The following SMCP variants were observed in gnomAD, a reference collection of about 807,000 sequenced individuals.
SMCP encodes sperm mitochondria associated cysteine rich protein, also known as sperm mitochondrial-associated cysteine-rich protein.
For synonymous variants in SMCP, 41 were observed against 46.9 expected, an observed-to-expected ratio of 0.87 and a Z score of 0.51; for missense variants, 137 against 137.1, an observed-to-expected ratio of 1.00 and a Z score of 0.01.
chr1:152,884,849 G>A lies in SMCP; in HGVS notation c.*76G>A. 7.5e-7 allele frequency: 1 copy of A among 1,334,462 alleles called. No homozygotes were observed. The highest frequency in any genetic ancestry group is 1.0e-6 in the Non-Finnish European group (1 of 952,448). 82.7% of individuals were successfully genotyped at this position (1,334,462 alleles called of 1,614,324 possible). ...TTTGTAGGGTGGGGGATTACTGAGA[G>A]TCAGGCTAGACCTGTGTTTAGAGAA... On this transcript the variant is annotated 3_prime_UTR_variant, in exon 2 of 2. Transcript: ENST00000368765.
intron 1 of SMCP, among the ~76,000 whole-genome samples, chr1:152,883,238 T>C (rs751160704): frequency 2.0e-5 from 3 of 152,178 alleles, no homozygotes; most frequent in Non-Finnish European, 2.9e-5. Flanking sequence ...GGTTTGTGGC[T>C]TTGTGAGCTG....
intron 1 of SMCP, among the ~76,000 whole-genome samples, chr1:152,882,997 T>A (rs939585096): frequency 3.3e-5 from 5 of 152,166 alleles, no homozygotes; most frequent in Admixed American, 1.3e-4. Context: ...TGAGCTGAGA[T>A]CGCACCATTG....
chr1:152,880,136 A>G (rs1335529547), intron 1 of SMCP, among the ~76,000 whole-genome samples: 1 of 152,180 alleles, frequency 6.6e-6, no homozygotes, highest in Non-Finnish European at 1.5e-5. Flanking sequence ...GGAAAAAAAA[A>G]TAGCAAAAGG....
chr1:152,879,121 T>A (rs1311856982), intron 1 of SMCP, among the ~76,000 whole-genome samples: 1 of 152,180 alleles, frequency 6.6e-6, no homozygotes, highest in African/African-American at 2.4e-5. Flanking sequence ...CCACAAGTGT[T>A]TGACATGATT....
At position 152,884,414 on chromosome 1, in the gene SMCP, G is replaced by A; in HGVS notation, c.-9G>A. 6.2e-7 allele frequency: 1 copy of A among 1,613,896 alleles called. No individual in the cohort carries two copies. On this transcript the variant is annotated 5_prime_UTR_variant, in exon 2 of 2. Transcript: ENST00000368765. The stretch of plus-strand genomic sequence containing the variant: ...TTTTCTTTTTCTAGTACCTCCAAGT[G>A]TTCAGAAGATGTGTGACCAGACAAA...
chr1:152,880,445 A>G (rs1426102180), intron 1 of SMCP, among the ~76,000 whole-genome samples: 1 of 151,768 alleles, frequency 6.6e-6, no homozygotes, highest in African/African-American at 2.4e-5. Flanking sequence ...GTACTCTCTC[A>G]CCTCTTCCCT....
Position 152,884,473 on chromosome 1 carries a change from A to ATGC in SMCP, c.55_57dup (p.Cys19dup), listed in dbSNP as rs1164966075. On this transcript the variant is annotated inframe_insertion, in exon 2 of 2. Coordinates refer to ENST00000368765, the MANE Select transcript of SMCP (RefSeq NM_030663.3). ...AATGCTGCCCAGCAAAAGGCAATCA[A>ATGC]TGCTGCCCACCACAGCAGAACCAGT... The ATGC allele has an allele frequency of 1.2e-6, 2 of 1,614,022 alleles. No homozygotes were observed. Among genetic ancestry groups the ATGC allele is most frequent in the Non-Finnish European group, 8.5e-7 (1 of 1,179,912 alleles).
At position 152,884,518 on chromosome 1, in the gene SMCP, T is replaced by G. The variant is rs201395458; in HGVS notation, c.96T>G (p.Asn32Lys). Residue 32 changes from asparagine to lysine, a missense_variant, in exon 2 of 2, where the codon AAT becomes AAG. Transcript: ENST00000368765. ...QQNQCCQSKGNQCCPPKQNQC... is the reference protein window; with the variant it reads ...QQNQCCQSKGKQCCPPKQNQC... ...ACCAGTGCTGCCAGTCAAAAGGCAA[T>G]CAATGCTGCCCACCAAAACAGAACC... The G allele has an allele frequency of 5.0e-6, 8 of 1,613,872 alleles. No homozygotes were observed. The highest frequency in any genetic ancestry group is 5.1e-6 in the Non-Finnish European group (6 of 1,179,970).
chr1:152,884,676 T>A lies in SMCP; in HGVS notation c.254T>A (p.Met85Lys), dbSNP rs560563395. 1 of 1,614,154 alleles carries A rather than the reference T, an allele frequency of 6.2e-7. No homozygotes were observed. Residue 85 changes from methionine to lysine, a missense_variant, in exon 2 of 2, where the codon ATG becomes AAG. Met to Lys is a moderately conservative substitution (Grantham distance 95). Transcript: ENST00000368765. ...ETKPEVSPLN[M>K]ESEPNSPQTQ... Reference sequence around the variant, plus strand: ...AAGCCTGAAGTCTCACCCCTTAACATGGAGTCTGAGCCCAACTCACCGCAA... The same window carrying A: ...AAGCCTGAAGTCTCACCCCTTAACAAGGAGTCTGAGCCCAACTCACCGCAA...
At chr1:152,881,344 T>C (rs1342668536) in intron 1 of SMCP, among the ~76,000 whole-genome samples, 2 of 152,088 alleles carry the variant, frequency 1.3e-5, no homozygotes, top group African/African-American at 4.8e-5. Context: ...GAGAGGATGA[T>C]ACAGATTTTT....
chr1:152,881,961 A>G (rs59649412), intron 1 of SMCP, among the ~76,000 whole-genome samples: 8,975 of 152,148 alleles, frequency 0.059, 866 homozygotes, highest in African/African-American at 0.2. Flanking sequence ...AAATTATTTT[A>G]TTTTATTTTA....
intron 1 of SMCP, among the ~76,000 whole-genome samples, chr1:152,882,353 GA>G (rs1649080530): frequency 6.6e-6 from 1 of 152,336 alleles, no homozygotes; most frequent in South Asian, 2.1e-4. Context: ...CACAAAAGAA[GA>G]GGACAAGACA....
Position 152,884,552 on chromosome 1 carries a change from C to T in SMCP, c.130C>T (p.Gln44Ter), listed in dbSNP as rs1235466836. The change falls in exon 2 of 2, where the codon CAG becomes TAG. Residue 44 changes from glutamine to a stop codon, truncating the protein, a stop_gained. Coordinates refer to ENST00000368765, the MANE Select transcript of SMCP (RefSeq NM_030663.3). LOFTEE classifies it low-confidence loss of function (END_TRUNC). ...CCCACCAAAACAGAACCAGTGCTGC[C>T]AGCCAAAAGGCAGTCAATGCTGCCC... is the stretch of plus-strand genomic sequence containing the variant. ...CCPPKQNQCC[Q>*]PKGSQCCPPK... The T allele has an allele frequency of 1.2e-6, 2 of 1,614,004 alleles. No individual in the cohort carries two copies. The highest frequency in any genetic ancestry group is 1.3e-5 in the African/African-American group (1 of 74,880).
chr1:152,879,961 C>T (rs1281507133), intron 1 of SMCP, among the ~76,000 whole-genome samples: 1 of 152,084 alleles, frequency 6.6e-6, no homozygotes, highest in African/African-American at 2.4e-5. Flanking sequence ...TCAGTCTGGA[C>T]TTGTAAAGAT....
intron 1 of SMCP, among the ~76,000 whole-genome samples, chr1:152,882,835 G>A (rs112314414): frequency 0.014 from 2,076 of 152,302 alleles, 36 homozygotes; most frequent in African/African-American, 0.042. Context: ...CCAGAGGTCA[G>A]GAGTTCGAGA....
intron 1 of SMCP, among the ~76,000 whole-genome samples, chr1:152,883,670 A>AG (rs1289468214): frequency 6.6e-6 from 1 of 152,138 alleles, no homozygotes; most frequent in Non-Finnish European, 1.5e-5. Context: ...TTATAGAGGA[A>AG]GAGGTACAAG....
At chr1:152,880,405 C>T (rs1212870017) in intron 1 of SMCP, among the ~76,000 whole-genome samples, 1 of 152,176 alleles carries the variant, frequency 6.6e-6, no homozygotes, top group Non-Finnish European at 1.5e-5. Context: ...CAGCTTTGAA[C>T]ACTGCAAAGG....
At chr1:152,879,522 A>G (rs1648973626) in intron 1 of SMCP, among the ~76,000 whole-genome samples, 1 of 152,194 alleles carries the variant, frequency 6.6e-6, no homozygotes. Context: ...TGCCCGGCCA[A>G]GGAGAGAATC....
intron 1 of SMCP, among the ~76,000 whole-genome samples, chr1:152,881,187 G>A (rs182287762): frequency 5.1e-4 from 78 of 152,142 alleles, no homozygotes; most frequent in African/African-American, 1.7e-3. Context: ...AAAAAGGGTT[G>A]AGTCTAAGAG....
Sources: allele counts gnomAD v4.1 joint callset (sites outside exome capture counted in the v4.1 genomes callset), GRCh38; gene constraint gnomAD v4.1.1; transcripts MANE v1.5; gene names NCBI Gene and HGNC (gene_info 2026-07-23, HGNC 2026-07-21).